Variants in EYA4 observed in about 807,000 individuals in gnomAD.
The protein encoded by EYA4 is protein phosphatase EYA4.
In EYA4, 31 loss-of-function variants were observed where a neutral mutation model predicts 87.9. The ratio of observed to expected loss-of-function variants is 0.35; its 90% confidence interval spans 0.27 to 0.48. EYA4 has a LOEUF of 0.48. Ranked by LOEUF, EYA4 falls within the 20% of genes least tolerant of loss-of-function variation. The probability of loss-of-function intolerance (pLI) is 0.99; values close to 1 mark genes in which losing one functional copy is unlikely to be tolerated. For missense variants in EYA4, 678 were observed against 761.4 expected (o/e 0.89, Z 1.29); for synonymous variants, 263 against 270.6 (o/e 0.97, Z 0.28).
chr6:133,257,853 A>T (rs1775462320), intron 1 of EYA4, among the ~76,000 whole-genome samples: 1 of 151,810 alleles, frequency 6.6e-6, no homozygotes, highest in African/African-American at 2.4e-5. Context: ...TTATGCTCTC[A>T]TTCATTCATT....
chr6:133,496,562 G>A (rs1014141352), intron 13 of EYA4, among the ~76,000 whole-genome samples: 1 of 152,162 alleles, frequency 6.6e-6, no homozygotes, highest in Non-Finnish European at 1.5e-5. Flanking sequence ...TCAGAATACA[G>A]CCTGGAAGGC....
At chr6:133,422,744 T>G (rs1790326066) in intron 3 of EYA4, among the ~76,000 whole-genome samples, 1 of 152,220 alleles carries the variant, frequency 6.6e-6, no homozygotes, top group South Asian at 2.1e-4. Flanking sequence ...CAATAAAAAT[T>G]AATAAACACA....
Position 133,348,766 on chromosome 6 carries a change from G to C in EYA4, c.34-33626G>C, listed in dbSNP as rs554973458. Among the ~76,000 whole-genome samples, 4 of 151,772 alleles carry C rather than the reference G, an allele frequency of 2.6e-5. No homozygotes were observed. In the South Asian group the frequency reaches 8.4e-4, roughly 32 times the overall value. On this transcript the variant is annotated intron_variant, in intron 2 of 19. Coordinates refer to ENST00000355286, the MANE Select transcript of EYA4 (RefSeq NM_004100.5). ...TTTAATAAATTTCTACATCTTTATT[G>C]CTACCAACCTAGCTCAGAGGTTCAT...
intron 3 of EYA4, among the ~76,000 whole-genome samples, chr6:133,382,677 G>A (rs1477752150): frequency 4.0e-5 from 6 of 150,866 alleles, no homozygotes; most frequent in Admixed American, 6.6e-5. Flanking sequence ...CTAGAAATAC[G>A]TGAAAAAAAA....
chr6:133,253,114 A>G (rs1231952402), intron 1 of EYA4, among the ~76,000 whole-genome samples: 1 of 152,066 alleles, frequency 6.6e-6, no homozygotes. Context: ...TCCTAGGTGG[A>G]GAAGGACCCT....
chr6:133,445,127 G>A (rs1389085932), intron 3 of EYA4, among the ~76,000 whole-genome samples: 2 of 152,088 alleles, frequency 1.3e-5, no homozygotes, highest in African/African-American at 4.8e-5. Flanking sequence ...AACATTTAAT[G>A]CTAGAGATTA....
At chr6:133,351,481 C>T (rs1364423088) in intron 2 of EYA4, among the ~76,000 whole-genome samples, 1 of 152,160 alleles carries the variant, frequency 6.6e-6, no homozygotes, top group Non-Finnish European at 1.5e-5. Context: ...CAGTACCCTG[C>T]CCTGCAGACA....
At chr6:133,413,633 A>G (rs896969009) in intron 3 of EYA4, among the ~76,000 whole-genome samples, 1 of 151,996 alleles carries the variant, frequency 6.6e-6, no homozygotes, top group Non-Finnish European at 1.5e-5. Context: ...GTTGCTTCCC[A>G]GTGTTCTATC....
rs73007684 is a variant in EYA4, at chr6:133,279,702, T to C, written c.33+4889T>C. 2.1e-3 allele frequency among the ~76,000 whole-genome samples: 316 copies of C among 152,256 alleles called. 1 individual carries two copies. The highest frequency in any genetic ancestry group is 3.9e-3 in the Non-Finnish European group (262 of 67,966). On this transcript the variant is annotated intron_variant, in intron 2 of 19. Coordinates refer to ENST00000355286, the MANE Select transcript of EYA4 (RefSeq NM_004100.5). ...TGTTTTTCCTTAGAGTACTCATGACTTTGATTAGTCCTCAGATCTTTGTTC... is the reference window on the plus strand; with the variant it reads ...TGTTTTTCCTTAGAGTACTCATGACCTTGATTAGTCCTCAGATCTTTGTTC...
chr6:133,243,204 T>C (rs1292361729), intron 1 of EYA4, among the ~76,000 whole-genome samples: 1 of 152,110 alleles, frequency 6.6e-6, no homozygotes, highest in Non-Finnish European at 1.5e-5. Flanking sequence ...TTCCTGGCTG[T>C]CATTACAGAC....
intron 1 of EYA4, among the ~76,000 whole-genome samples, chr6:133,244,576 C>G (rs1774252317): frequency 6.7e-6 from 1 of 150,170 alleles, no homozygotes; most frequent in South Asian, 2.1e-4. Flanking sequence ...AGATGAGTTA[C>G]TTGTCATTTT....
intron 3 of EYA4, among the ~76,000 whole-genome samples, chr6:133,432,402 G>A (rs1431011431): frequency 6.6e-6 from 1 of 152,078 alleles, no homozygotes; most frequent in Admixed American, 6.5e-5. Context: ...ATTTCAGGGC[G>A]CTGCATTGTG....
chr6:133,284,840 T>C (rs982982700), intron 2 of EYA4, among the ~76,000 whole-genome samples: 8 of 152,186 alleles, frequency 5.3e-5, no homozygotes, highest in African/African-American at 1.7e-4. Flanking sequence ...GTGGAACTTA[T>C]ATTCTTGTGG....
At chr6:133,525,079 T>G (rs1470149398) in intron 18 of EYA4, 75 bp from the exon 19 acceptor site, 1 of 1,613,568 alleles carries the variant, frequency 6.2e-7, no homozygotes, top group Non-Finnish European at 8.5e-7. Flanking sequence ...ATGTTGTGAT[T>G]GGAGATGGCC....
chr6:133,459,236 A>G (rs527912192), intron 6 of EYA4, among the ~76,000 whole-genome samples: 8 of 152,298 alleles, frequency 5.3e-5, no homozygotes, highest in Admixed American at 4.6e-4. Context: ...ATGAACATAT[A>G]GACGTTAATA....
intron 1 of EYA4, among the ~76,000 whole-genome samples, chr6:133,273,998 A>G (rs932061727): frequency 2.0e-5 from 3 of 152,226 alleles, no homozygotes; most frequent in African/African-American, 7.2e-5. Flanking sequence ...TTCTATTGCT[A>G]CTATGATAAA....
At chr6:133,485,439 A>G (rs919411644) in intron 13 of EYA4, among the ~76,000 whole-genome samples, 4 of 150,704 alleles carry the variant, frequency 2.7e-5, no homozygotes, top group African/African-American at 1.0e-4. Context: ...TCAAAGCTAT[A>G]GATGAGGAAA....
chr6:133,384,309 A>G (rs767523243), intron 3 of EYA4, among the ~76,000 whole-genome samples: 6 of 149,846 alleles, frequency 4.0e-5, no homozygotes, highest in Non-Finnish European at 8.8e-5. Flanking sequence ...TATTTTTAAG[A>G]AAAAAATAGT....
rs553462767 is a variant in EYA4, at chr6:133,424,686, T to C, written c.84-21944T>C. On this transcript the variant is annotated intron_variant, in intron 3 of 19. Coordinates refer to ENST00000355286, the MANE Select transcript of EYA4 (RefSeq NM_004100.5). The stretch of plus-strand genomic sequence containing the variant: ...TTGTCCCCAGCTCCTGCCTTCTCCA[T>C]GGAGTGGGAGGCCCAGGTCTGCAGC... Among the ~76,000 whole-genome samples, 23 of 142,352 alleles carry C rather than the reference T, an allele frequency of 1.6e-4. 2 individuals are homozygous for C. The highest frequency in any genetic ancestry group is 6.9e-4 in the African/African-American group (23 of 33,500). 93.4% of individuals were successfully genotyped at this position (142,352 alleles called of 152,430 possible).
Sources: allele counts gnomAD v4.1 joint callset (sites outside exome capture counted in the v4.1 genomes callset), GRCh38; gene constraint gnomAD v4.1.1; transcripts MANE v1.5; gene names NCBI Gene and HGNC (gene_info 2026-07-23, HGNC 2026-07-21).